Variants in KIAA0513 observed in about 807,000 individuals in gnomAD.
KIAA0513 encodes KIAA0513.
In KIAA0513, 39 loss-of-function variants were observed where a neutral mutation model predicts 56.5. That is an observed-to-expected ratio of 0.69 (90% confidence interval 0.53 to 0.90). The LOEUF is 0.90. Among genes scored for constraint, KIAA0513 ranks in the 40% least tolerant of loss-of-function variants. The probability of loss-of-function intolerance (pLI) is 0.00; values close to 1 mark genes in which losing one functional copy is unlikely to be tolerated. For synonymous variants in KIAA0513, 268 were observed against 215.6 expected, an observed-to-expected ratio of 1.24 and a Z score of -2.13; for missense variants, 591 against 535.2, an observed-to-expected ratio of 1.10 and a Z score of -1.03.
At chr16:85,072,050 T>C (rs2073584713) in intron 3 of KIAA0513, among the ~76,000 whole-genome samples, 168 bp downstream of exon 3, 1 of 151,362 alleles carries the variant, frequency 6.6e-6, no homozygotes, top group Non-Finnish European at 1.5e-5. Context: ...TGAAAAGGAG[T>C]GTTTAGAATA....
intron 1 of KIAA0513, among the ~76,000 whole-genome samples, chr16:85,052,574 C>G (rs1455936362): frequency 6.6e-6 from 1 of 152,164 alleles, no homozygotes; most frequent in Non-Finnish European, 1.5e-5. Flanking sequence ...TTTCTTTGGG[C>G]TTAAGGTTTC....
chr16:85,087,340 G>A (rs527914480), intron 12 of KIAA0513, among the ~76,000 whole-genome samples, 174 bp downstream of exon 12: 3 of 152,334 alleles, frequency 2.0e-5, no homozygotes, highest in East Asian at 1.9e-4. Flanking sequence ...ATAGACAGAC[G>A]CACAGGACAC....
At chr16:85,066,206 G>A (rs559509754) in intron 1 of KIAA0513, among the ~76,000 whole-genome samples, 25 of 152,304 alleles carry the variant, frequency 1.6e-4, no homozygotes, top group Non-Finnish European at 2.6e-4. Context: ...CCGAGGCAGA[G>A]GCTTGAGGGG....
chr16:85,035,978 CAAA>C (rs898368153), intron 1 of KIAA0513, among the ~76,000 whole-genome samples: 6 of 55,100 alleles, frequency 1.1e-4, no homozygotes, highest in Admixed American at 2.0e-4. Flanking sequence ...GACTCCGTCC[CAAA>C]AAAAAAAAAA....
At chr16:85,051,578 C>CG (rs2073252473) in intron 1 of KIAA0513, among the ~76,000 whole-genome samples, 1 of 152,182 alleles carries the variant, frequency 6.6e-6, no homozygotes. Flanking sequence ...CCTCTGCAGG[C>CG]TCAGCTTTCC....
Position 85,088,857 on chromosome 16 carries a change from C to G in KIAA0513, c.*532C>G, listed in dbSNP as rs2073839544. 6.5e-6 allele frequency: 1 copy of G among 153,850 alleles called. No individual in the cohort carries two copies. The highest frequency in any genetic ancestry group is 1.4e-5 in the Non-Finnish European group (1 of 69,134). The allele number at this position is 153,850 out of a possible 1,614,324, so 9.5% of individuals were successfully genotyped here. A position where few individuals can be genotyped will look rare whatever the true frequency, so the allele number is the denominator to read the frequency against. ...CTGGTCCTCACTATTCCCCAGTCTC[C>G]CGCTGTGGGGCAGGAACAGGAAGTG... is the stretch of plus-strand genomic sequence containing the variant. On this transcript the variant is annotated 3_prime_UTR_variant, in exon 13 of 13. Transcript: ENST00000683363.
chr16:85,074,171 C>T (rs1249230404), intron 4 of KIAA0513, among the ~76,000 whole-genome samples: 5 of 151,926 alleles, frequency 3.3e-5, no homozygotes, highest in African/African-American at 9.7e-5. Context: ...GACAGGGTTT[C>T]ACCATGTCGG....
intron 1 of KIAA0513, among the ~76,000 whole-genome samples, chr16:85,055,165 C>A (rs568526397): frequency 2.0e-5 from 3 of 152,112 alleles, no homozygotes; most frequent in Non-Finnish European, 4.4e-5. Flanking sequence ...TGAAGTGAGC[C>A]TCCCCGCCTT....
intron 8 of KIAA0513, 42 bp downstream of exon 8, chr16:85,079,045 G>A (rs143144387): frequency 4.5e-5 from 73 of 1,613,840 alleles, no homozygotes; most frequent in Non-Finnish European, 5.8e-5. Context: ...TCTTACTGAC[G>A]GGGCCAGCAG....
In KIAA0513 at chr16:85,088,484, C is replaced by T. The variant is rs2073834956; in HGVS notation, c.*159C>T. On this transcript the variant is annotated 3_prime_UTR_variant, in exon 13 of 13. Transcript: ENST00000683363. ...TAGCGGTTAGAAGAATCCGCTGTTC[C>T]TCCCTCATCTCCTCTGCCTGTGTCT... The T allele has an allele frequency of 1.6e-6, 1 of 621,880 alleles. No individual in the cohort carries two copies. Among genetic ancestry groups the T allele is most frequent in the East Asian group, 2.8e-5 (1 of 36,176 alleles). The allele number at this position is 621,880 out of a possible 1,614,324, so 38.5% of individuals were successfully genotyped here.
intron 4 of KIAA0513, among the ~76,000 whole-genome samples, chr16:85,073,914 T>C (rs370364083): frequency 3.0e-4 from 45 of 152,312 alleles, no homozygotes; most frequent in African/African-American, 9.6e-4. Flanking sequence ...TACTTCCTTG[T>C]CTCCCAACCA....
At chr16:85,045,729 A>G (rs1369731001) in intron 1 of KIAA0513, among the ~76,000 whole-genome samples, 1 of 152,124 alleles carries the variant, frequency 6.6e-6, no homozygotes, top group African/African-American at 2.4e-5. Context: ...AGTGGTCCTA[A>G]GTTGTCATCA....
chr16:85,062,224 A>G (rs1010041094), intron 1 of KIAA0513, among the ~76,000 whole-genome samples: 3 of 151,760 alleles, frequency 2.0e-5, no homozygotes, highest in African/African-American at 7.3e-5. Flanking sequence ...ACACACACAC[A>G]CACACACACA....
At chr16:85,034,216 C>T (rs1022263566) in intron 1 of KIAA0513, among the ~76,000 whole-genome samples, 6 of 152,136 alleles carry the variant, frequency 3.9e-5, no homozygotes, top group African/African-American at 1.4e-4. Flanking sequence ...CTCTCTCTTA[C>T]TAAAAATACA....
intron 1 of KIAA0513, among the ~76,000 whole-genome samples, chr16:85,051,077 T>G (rs1597605413): frequency 6.6e-6 from 1 of 152,014 alleles, no homozygotes; most frequent in Non-Finnish European, 1.5e-5. Context: ...CCTAGGAATT[T>G]GAGGTTAACA....
chr16:85,043,972 G>A (rs2073137813), intron 1 of KIAA0513, among the ~76,000 whole-genome samples: 1 of 152,182 alleles, frequency 6.6e-6, no homozygotes, highest in Non-Finnish European at 1.5e-5. Context: ...GGAGGTTGTG[G>A]TGAGTGGAGA....
intron 1 of KIAA0513, among the ~76,000 whole-genome samples, chr16:85,049,168 G>A (rs920206847): frequency 2.0e-5 from 3 of 152,248 alleles, no homozygotes; most frequent in African/African-American, 7.2e-5. Flanking sequence ...GCCAGAGATG[G>A]CAGGTGTCAC....
intron 4 of KIAA0513, 148 bp from the exon 5 acceptor site, chr16:85,075,696 T>C (rs1157364845): frequency 1.0e-5 from 7 of 677,452 alleles, no homozygotes; most frequent in Non-Finnish European, 1.9e-5. Flanking sequence ...GTTCTCCTAA[T>C]GGAACTTGGG....
chr16:85,078,121 C>T (rs1691149497), intron 6 of KIAA0513, among the ~76,000 whole-genome samples: 1 of 152,142 alleles, frequency 6.6e-6, no homozygotes, highest in African/African-American at 2.4e-5. Context: ...AGGGAGCCCC[C>T]GGGGTCCCCT....
Sources: allele counts gnomAD v4.1 joint callset (sites outside exome capture counted in the v4.1 genomes callset), GRCh38; gene constraint gnomAD v4.1.1; transcripts MANE v1.5; gene names NCBI Gene and HGNC (gene_info 2026-07-23, HGNC 2026-07-21).